FBXW4: variants seen among roughly 807,000 people sequenced by gnomAD.
The protein encoded by FBXW4 is F-box and WD repeat domain containing 4, also known as F-box/WD repeat-containing protein 4.
A neutral mutation model predicts 61.8 loss-of-function variants in FBXW4; 40 were observed. The observed-to-expected ratio is 0.65, with a 90% confidence interval of 0.50 to 0.84. The LOEUF is 0.84. Ranked by LOEUF, FBXW4 falls within the 40% of genes least tolerant of loss-of-function variation. The pLI is 0.00. For synonymous variants in FBXW4, 311 were observed against 313.8 expected (o/e 0.99, Z 0.10); for missense variants, 672 against 753.8 (o/e 0.89, Z 1.27).
intron 6 of FBXW4, among the ~76,000 whole-genome samples, chr10:101,622,139 T>C (rs182391069): frequency 1.5e-3 from 219 of 141,688 alleles, no homozygotes; most frequent in African/African-American, 3.1e-3. Context: ...AAAGACTGAC[T>C]ATAGAATGGA....
intron 1 of FBXW4, among the ~76,000 whole-genome samples, chr10:101,693,428 T>A (rs2064633036): frequency 6.6e-6 from 1 of 152,206 alleles, no homozygotes; most frequent in African/African-American, 2.4e-5. Flanking sequence ...TTAATCTCAT[T>A]ATGCGACAGC....
At chr10:101,695,260 C>T (rs1225242966), upstream of FBXW4, 4 of 942,458 alleles carry the variant, frequency 4.2e-6, no homozygotes, top group East Asian at 4.6e-4. The surrounding 1 kb of genome is among the most constrained non-coding windows in gnomAD (Gnocchi z 4.2). Flanking sequence ...GGAGCCACTT[C>T]GGGGTGCGGG....
intron 2 of FBXW4, among the ~76,000 whole-genome samples, chr10:101,674,326 C>CAA (rs11431014): frequency 0.028 from 3,855 of 139,948 alleles, 90 homozygotes; most frequent in Admixed American, 0.064. Flanking sequence ...GAGACTGTCT[C>CAA]AAAAAAAAAA....
chr10:101,672,151 T>A (rs933235358), intron 4 of FBXW4, among the ~76,000 whole-genome samples: 2 of 152,216 alleles, frequency 1.3e-5, no homozygotes, highest in Non-Finnish European at 2.9e-5. Flanking sequence ...AGGAAATACA[T>A]AACAAGACAC....
intron 6 of FBXW4, among the ~76,000 whole-genome samples, chr10:101,615,890 G>T (rs1265066868): frequency 6.6e-6 from 1 of 152,180 alleles, no homozygotes; most frequent in Non-Finnish European, 1.5e-5. Context: ...GTGCCCTGCT[G>T]CACTTCTCCC....
In FBXW4 at chr10:101,611,513, T is replaced by C. The variant is rs1014061305; in HGVS notation, c.1585-103A>G. 4.5e-6 allele frequency: 7 copies of C among 1,570,696 alleles called. No homozygotes were observed. In the African/African-American group the frequency reaches 8.1e-5, roughly 18 times the overall value. ...CCAGGGGAAGAGGGACGTGTGCCAT[T>C]GTAGGCTTCTTCCAACCCTTTCTAG... On this transcript the variant is annotated intron_variant, in intron 8 of 8. Transcript: ENST00000331272. The surrounding 1 kb of genome is among the most constrained non-coding windows in gnomAD (Gnocchi z 4.9).
rs932819754 is a variant in FBXW4, at chr10:101,695,045, C to T, written c.61G>A (p.Gly21Arg). Reference sequence around the variant, plus strand: ...CCTTCCTGCAGCTTCCTCGCCTCTCCGCCCTCGCCCTCGCCGGGCCCGCCG... The same window carrying T: ...CCTTCCTGCAGCTTCCTCGCCTCTCTGCCCTCGCCCTCGCCGGGCCCGCCG... The part of the protein sequence containing the change: ...GNGGPGEGEG[G>R]EARKLQEGRV... The change falls in exon 1 of 9, where the codon GGA (glycine) becomes AGA (arginine). Residue 21 changes from glycine (G) to arginine (R), a missense_variant. Coordinates refer to ENST00000331272, the MANE Select transcript of FBXW4 (RefSeq NM_022039.4). This position sits in a 1 kb window ranked among gnomAD's most constrained non-coding sequence, Gnocchi z 4.2. 6 of 1,006,378 alleles carry T rather than the reference C, an allele frequency of 6.0e-6. No homozygotes were observed. The Admixed American group carries it at 1.8e-4, about 30-fold the overall frequency. The allele number at this position is 1,006,378 out of a possible 1,614,324, so 62.3% of individuals were successfully genotyped here. A position where few individuals can be genotyped will look rare whatever the true frequency, so the allele number is the denominator to read the frequency against.
chr10:101,628,055 T>C (rs2063921520), intron 5 of FBXW4: 1 of 820,840 alleles, frequency 1.2e-6, no homozygotes, highest in African/African-American at 1.9e-5. Context: ...CTGGCTCCTG[T>C]GCTAGGCGTG....
At chr10:101,636,377 A>AAAAAC (rs2064001738) in intron 5 of FBXW4, among the ~76,000 whole-genome samples, 1 of 151,774 alleles carries the variant, frequency 6.6e-6, no homozygotes, top group Non-Finnish European at 1.5e-5. Context: ...ACCAAAAAAC[A>AAAAAC]AAAACAAAAC....
rs146885567 is a variant in FBXW4, at chr10:101,672,987, A to G, written c.1068T>C (p.His356=). Residue 356 remains histidine, a synonymous_variant, in exon 4 of 9, where the codon CAT becomes CAC. Transcript: ENST00000331272. The stretch of plus-strand genomic sequence containing the variant: ...AATCCACACAGTTCACCTCCTGTTC[A>G]TGAGCCGAGTACTTGACAGTGAAGG... ...HSTFTVKYSA[H]EQEVNCVDCK... 6.2e-6 allele frequency: 10 copies of G among 1,613,978 alleles called. No individual in the cohort carries two copies. The highest frequency in any genetic ancestry group is 8.5e-6 in the Non-Finnish European group (10 of 1,180,028).
intron 5 of FBXW4, among the ~76,000 whole-genome samples, chr10:101,661,834 C>T (rs2064247438): frequency 6.6e-6 from 1 of 152,164 alleles, no homozygotes; most frequent in South Asian, 2.1e-4. Flanking sequence ...AGAGAGAGGT[C>T]CCCAAGTCAG....
intron 1 of FBXW4, among the ~76,000 whole-genome samples, chr10:101,680,219 G>A (rs2064460401): frequency 6.6e-6 from 1 of 152,044 alleles, no homozygotes. Context: ...ATATGAGGGT[G>A]AATTTAAAAG....
At chr10:101,647,817 CTG>C (rs539314135) in intron 5 of FBXW4, among the ~76,000 whole-genome samples, 221 of 152,298 alleles carry the variant, frequency 1.5e-3, no homozygotes, top group African/African-American at 4.8e-3. Flanking sequence ...TCCACAGTAC[CTG>C]TGCCAGGTGC....
chr10:101,679,845 G>A (rs570937701), intron 1 of FBXW4, among the ~76,000 whole-genome samples: 27 of 152,112 alleles, frequency 1.8e-4, no homozygotes, highest in Non-Finnish European at 2.4e-4. Flanking sequence ...CCTGAATAGC[G>A]TACACTGTAC....
rs150733613 is a variant in FBXW4 at position 101,656,924 on chromosome 10, C to T, written c.1235+10962G>A. Among the ~76,000 whole-genome samples, 74 of 152,316 alleles carry T rather than the reference C, an allele frequency of 4.9e-4. 2 individuals carry two copies. In the East Asian group the frequency reaches 0.014, roughly 29 times the overall value. The stretch of plus-strand genomic sequence containing the variant: ...ACTGGCACCCCACCTGTCCCCCCTA[C>T]ACTTTTCTGTGCCCATTTATGTTTT... On this transcript the variant is annotated intron_variant, in intron 5 of 8. Coordinates refer to ENST00000331272, the MANE Select transcript of FBXW4 (RefSeq NM_022039.4).
intron 5 of FBXW4, among the ~76,000 whole-genome samples, chr10:101,644,024 C>A (rs2064075804): frequency 6.6e-6 from 1 of 152,214 alleles, no homozygotes; most frequent in South Asian, 2.1e-4. Flanking sequence ...TGCAATTATT[C>A]CCCCCATCCC....
At position 101,611,318 on chromosome 10, in the gene FBXW4, G is replaced by A. The variant is rs755936627; in HGVS notation, c.1677C>T (p.Leu559=). Residue 559 remains leucine, a synonymous_variant, in exon 9 of 9, where the codon CTC becomes CTT. Coordinates refer to ENST00000331272, the MANE Select transcript of FBXW4 (RefSeq NM_022039.4). This position sits in a 1 kb window ranked among gnomAD's most constrained non-coding sequence, Gnocchi z 4.9. ...ATGGGTTTTGAAAATCCAGGACGTG[G>A]AGGTTGTAAGACAGGGCAGCATAGA... The part of the protein sequence containing the change: ...KHLYAALSYN[L]HVLDFQNP The A allele has an allele frequency of 5.6e-5, 90 of 1,614,050 alleles. 1 individual carries two copies. The highest frequency in any genetic ancestry group is 5.0e-5 in the Non-Finnish European group (59 of 1,180,036).
At chr10:101,630,232 C>T (rs776820994) in intron 5 of FBXW4, among the ~76,000 whole-genome samples, 5 of 152,138 alleles carry the variant, frequency 3.3e-5, no homozygotes, top group Non-Finnish European at 5.9e-5. Flanking sequence ...TTTATCTGAG[C>T]CTTATTACTC....
chr10:101,626,903 G>A (rs986463548), intron 5 of FBXW4: 3 of 152,376 alleles, frequency 2.0e-5, no homozygotes, highest in Non-Finnish European at 4.4e-5. Context: ...AGAGCTGTGG[G>A]AGTGGCAGGG....
Sources: allele counts gnomAD v4.1 joint callset (sites outside exome capture counted in the v4.1 genomes callset), GRCh38; gene constraint gnomAD v4.1.1; non-coding constraint Gnocchi (gnomAD v3.1); transcripts MANE v1.5; gene names NCBI Gene and HGNC (gene_info 2026-07-23, HGNC 2026-07-21).